The following PNPLA2 variants were observed in gnomAD, a reference collection of about 807,000 sequenced individuals.
PNPLA2 encodes the protein patatin like domain 2, triacylglycerol lipase.
In PNPLA2, 28 loss-of-function variants were observed where a neutral mutation model predicts 39.7. The observed-to-expected ratio is 0.70, with a 90% confidence interval of 0.52 to 0.97. PNPLA2 has a LOEUF of 0.97. Among genes scored for constraint, PNPLA2 ranks in the 50% least tolerant of loss-of-function variants. The pLI, the probability that PNPLA2 is intolerant of heterozygous loss-of-function variation, is 0.00. For synonymous variants in PNPLA2, 392 were observed against 321.1 expected, an observed-to-expected ratio of 1.22 and a Z score of -2.36; for missense variants, 768 against 698.2, an observed-to-expected ratio of 1.10 and a Z score of -1.13.
At position 822,324 on chromosome 11, in the gene PNPLA2, G is replaced by A. The variant is rs1489097281; in HGVS notation, c.487-73G>A. On this transcript the variant is annotated intron_variant, in intron 4 of 9. Coordinates refer to ENST00000336615, the MANE Select transcript of PNPLA2 (RefSeq NM_020376.4). Reference sequence around the variant, plus strand: ...TGAATGGGGCCCTTGGTGGCCGGGTGGGGTGGCTGGGGTGGGTGGCCAGTG... The same window carrying A: ...TGAATGGGGCCCTTGGTGGCCGGGTAGGGTGGCTGGGGTGGGTGGCCAGTG... The A allele has an allele frequency of 2.2e-6, 3 of 1,339,838 alleles. No individual in the cohort carries two copies. The East Asian group carries it at 6.9e-5, about 31-fold the overall frequency. 83.0% of individuals were successfully genotyped at this position (1,339,838 alleles called of 1,614,324 possible).
rs564593245 is a variant in PNPLA2, at chr11:821,401, G to C, written c.188-227G>C. ...GGCCCAGTGACTCATAGGGCAGGCA[G>C]TTGGGAAATACCAGGCAGAGGGCAG... On this transcript the variant is annotated intron_variant, in intron 2 of 9. Coordinates refer to ENST00000336615, the MANE Select transcript of PNPLA2 (RefSeq NM_020376.4). The C allele has an allele frequency of 4.5e-4, 269 of 600,360 alleles. 3 individuals are homozygous for C. The South Asian group carries it at 5.2e-3, about 12-fold the overall frequency. 37.2% of individuals were successfully genotyped at this position (600,360 alleles called of 1,614,324 possible).
chr11:824,088 C>T lies in PNPLA2; in HGVS notation c.1010C>T (p.Pro337Leu), dbSNP rs370723127. 20 of 1,606,044 alleles carry T rather than the reference C, an allele frequency of 1.2e-5. No homozygotes were observed. In the Admixed American group the frequency reaches 2.7e-4, roughly 22 times the overall value. Reference sequence around the variant, plus strand: ...CGTCTGGCCACGGCCATGATGGTGCCCTACACGCTGCCGCTGGAGAGCGCT... The same window carrying T: ...CGTCTGGCCACGGCCATGATGGTGCTCTACACGCTGCCGCTGGAGAGCGCT... ...PVRLATAMMV[P>L]YTLPLESALS... is the part of the protein sequence containing the mutation. Residue 337 changes from proline to leucine, a missense_variant, in exon 8 of 10, where the codon CCC becomes CTC. Physicochemically the swap from Pro to Leu is moderately conservative, Grantham distance 98. Coordinates refer to ENST00000336615, the MANE Select transcript of PNPLA2 (RefSeq NM_020376.4).
chr11:821,558 G>A, intron 2 of PNPLA2, 70 bp from the exon 3 acceptor site: 1 of 1,072,238 alleles, frequency 9.3e-7, no homozygotes, highest in Non-Finnish European at 1.4e-6. Flanking sequence ...CCTGGACATG[G>A]GGCTATGAAG....
In PNPLA2 at chr11:822,572, G is replaced by A. The variant is rs554737718; in HGVS notation, c.662G>A (p.Arg221His). 9.3e-6 allele frequency: 15 copies of A among 1,613,876 alleles called. No homozygotes were observed. The African/African-American group carries it at 9.3e-5, about 10-fold the overall frequency. Residue 221 changes from arginine to histidine, a missense_variant, in exon 5 of 10, where the codon CGC (arginine) becomes CAC (histidine). Coordinates refer to ENST00000336615, the MANE Select transcript of PNPLA2 (RefSeq NM_020376.4). Reference sequence around the variant, plus strand: ...CAGTTCAACCTGCGCAACCTCTACCGCCTCTCCAAGGCCCTCTTCCCGCCG... The same window carrying A: ...CAGTTCAACCTGCGCAACCTCTACCACCTCTCCAAGGCCCTCTTCCCGCCG... ...SIQFNLRNLY[R>H]LSKALFPPEP... is the part of the protein sequence containing the mutation.
Position 825,138 on chromosome 11 carries a change from G to A in PNPLA2, c.*276G>A, listed in dbSNP as rs1279303356. The A allele has an allele frequency of 5.5e-6, 3 of 548,960 alleles. No homozygotes were observed. Among genetic ancestry groups the A allele is most frequent in the African/African-American group, 2.1e-5 (1 of 48,186 alleles). 34.0% of individuals were successfully genotyped at this position (548,960 alleles called of 1,614,324 possible). A position where few individuals can be genotyped will look rare whatever the true frequency, so the allele number is the denominator to read the frequency against. Reference sequence around the variant, plus strand: ...ACTTTGCAGCTGCCCTTCCCTCCCCGTTTTTCATGGCCTGCTGAAATATGT... The same window carrying A: ...ACTTTGCAGCTGCCCTTCCCTCCCCATTTTTCATGGCCTGCTGAAATATGT... On this transcript the variant is annotated 3_prime_UTR_variant, in exon 10 of 10. Coordinates refer to ENST00000336615, the MANE Select transcript of PNPLA2 (RefSeq NM_020376.4).
At chr11:823,154 T>G (rs1035295753) in intron 5 of PNPLA2, among the ~76,000 whole-genome samples, 2 of 151,930 alleles carry the variant, frequency 1.3e-5, no homozygotes, top group African/African-American at 4.8e-5. Context: ...ACCTCCCGGG[T>G]TCCTGCCATT....
In PNPLA2 at chr11:824,144, G is replaced by C; in HGVS notation, c.1052+14G>C. 6.3e-7 allele frequency: 1 copy of C among 1,587,130 alleles called. No homozygotes were observed. Among genetic ancestry groups the C allele is most frequent in the Non-Finnish European group, 8.6e-7 (1 of 1,167,948 alleles). Reference sequence around the variant, plus strand: ...CTTCACCATCCGGTGTGAGGGCTGGGGGGTCGGGAGAGGGGCCCAGGGGAC... The same window carrying C: ...CTTCACCATCCGGTGTGAGGGCTGGCGGGTCGGGAGAGGGGCCCAGGGGAC... On this transcript the variant is annotated intron_variant, in intron 8 of 9. Transcript: ENST00000336615.
intron 2 of PNPLA2, among the ~76,000 whole-genome samples, chr11:820,555 G>A (rs1845635204): frequency 1.3e-5 from 2 of 152,228 alleles, no homozygotes; most frequent in Non-Finnish European, 2.9e-5. Context: ...ATGGGTCTCT[G>A]TGTGCTGGGC....
Position 824,726 on chromosome 11 carries a change from G to C in PNPLA2, c.1379G>C (p.Arg460Pro), listed in dbSNP as rs781603696. The change falls in exon 10 of 10, where the codon CGC becomes CCC. Residue 460 changes from arginine (R) to proline (P), a missense_variant. Physicochemically the swap from Arg to Pro is moderately radical, Grantham distance 103. Transcript: ENST00000336615. Reference sequence around the variant, plus strand: ...GTGGCCTTCCCGCCCGAAGCTCTGCGCATGCGCGCACCCGCCGACCCGGCT... The same window carrying C: ...GTGGCCTTCCCGCCCGAAGCTCTGCCCATGCGCGCACCCGCCGACCCGGCT... ...TNVAFPPEAL[R>P]MRAPADPAPA... 6.3e-7 allele frequency: 1 copy of C among 1,577,390 alleles called. No homozygotes were observed. Among genetic ancestry groups the C allele is most frequent in the East Asian group, 2.3e-5 (1 of 43,280 alleles).
At chr11:822,103 T>C (rs1264774694) in intron 4 of PNPLA2, 80 bp downstream of exon 4, 1 of 1,294,064 alleles carries the variant, frequency 7.7e-7, no homozygotes, top group African/African-American at 1.5e-5. Context: ...CCTAGAGCCA[T>C]CCTTCAGGCC....
In PNPLA2 at chr11:823,541, G is replaced by T; in HGVS notation, c.711G>T (p.Met237Ile). Residue 237 changes from methionine to isoleucine, a missense_variant, in exon 6 of 10, where the codon ATG (methionine) becomes ATT (isoleucine). Coordinates refer to ENST00000336615, the MANE Select transcript of PNPLA2 (RefSeq NM_020376.4). ...CCTCACTGCAGGTGCTGCGAGAGAT[G>T]TGCAAGCAGGGATACCGGGATGGCC... ...FPPEPLVLRE[M>I]CKQGYRDGLR... 1 of 1,610,674 alleles carries T rather than the reference G, an allele frequency of 6.2e-7. No individual in the cohort carries two copies. The highest frequency in any genetic ancestry group is 2.2e-5 in the East Asian group (1 of 44,770).
In PNPLA2 at chr11:825,492, C is replaced by T. The variant is rs1433887453; in HGVS notation, c.*630C>T. 6.5e-6 allele frequency: 1 copy of T among 153,104 alleles called. No individual in the cohort carries two copies. The highest frequency in any genetic ancestry group is 1.5e-5 in the Non-Finnish European group (1 of 68,780). 9.5% of individuals were successfully genotyped at this position (153,104 alleles called of 1,614,324 possible). ...TTTGCCCAGCAGCCTCCTGGCTGAC[C>T]CTTGGCCACAGCCTTCTGAGGGCCA... On this transcript the variant is annotated 3_prime_UTR_variant, in exon 10 of 10. Coordinates refer to ENST00000336615, the MANE Select transcript of PNPLA2 (RefSeq NM_020376.4).
Position 825,220 on chromosome 11 carries a change from C to T in PNPLA2, c.*358C>T, listed in dbSNP as rs762904060. 8.0e-6 allele frequency: 3 copies of T among 375,778 alleles called. No individual in the cohort carries two copies. The highest frequency in any genetic ancestry group is 1.5e-5 in the Non-Finnish European group (3 of 202,018). The allele number at this position is 375,778 out of a possible 1,614,324, so 23.3% of individuals were successfully genotyped here. On this transcript the variant is annotated 3_prime_UTR_variant, in exon 10 of 10. Transcript: ENST00000336615. ...CATGTAATAAATGCTGCAGCCCAGCCTCTGCCCACTTTGTGTGTATGTGAC... is the reference window on the plus strand; with the variant it reads ...CATGTAATAAATGCTGCAGCCCAGCTTCTGCCCACTTTGTGTGTATGTGAC...
chr11:824,567 C>T lies in PNPLA2; in HGVS notation c.1220C>T (p.Ser407Phe), dbSNP rs202081894. The T allele has an allele frequency of 2.0e-3, 3,174 of 1,571,070 alleles. 7 individuals are homozygous for T. Among genetic ancestry groups the T allele is most frequent in the Non-Finnish European group, 2.6e-3 (2,980 of 1,162,994 alleles). The change falls in exon 10 of 10, where the codon TCC (serine) becomes TTC (phenylalanine). Residue 407 changes from serine to phenylalanine, a missense_variant. By Grantham distance (155) the Ser-to-Phe change is radical. Transcript: ENST00000336615. ...CTGCGCCGCGTCCAGTCGCTGCCGT[C>T]CGTGCCGCTGTCCTGCGCCGCCTAC... ...VELRRVQSLPSVPLSCAAYRE... is the reference protein window; with the variant it reads ...VELRRVQSLPFVPLSCAAYRE...
intron 2 of PNPLA2, 76 bp downstream of exon 2, chr11:819,981 G>A: frequency 2.6e-6 from 3 of 1,164,228 alleles, no homozygotes; most frequent in South Asian, 4.7e-5. Context: ...CTCCGTGAGC[G>A]GAGGGGCCCC....
rs1223331348 is a variant in PNPLA2, at chr11:823,684, C to G, written c.758-10C>G. On this transcript the variant is annotated splice_polypyrimidine_tract_variant and intron_variant, in intron 6 of 9. Coordinates refer to ENST00000336615, the MANE Select transcript of PNPLA2 (RefSeq NM_020376.4). The stretch of plus-strand genomic sequence containing the variant: ...GATGAACTGAGAATCCCTTCTCTCC[C>G]CAACCCCAGGCCTCCTGAACCGGCC... 2 of 1,605,348 alleles carry G rather than the reference C, an allele frequency of 1.2e-6. No homozygotes were observed. The highest frequency in any genetic ancestry group is 1.7e-6 in the Non-Finnish European group (2 of 1,176,598).
intron 2 of PNPLA2, 108 bp downstream of exon 2, chr11:820,013 TG>T: frequency 3.6e-6 from 3 of 841,528 alleles, no homozygotes; most frequent in Non-Finnish European, 4.9e-6. Flanking sequence ...GTGGGTACCG[TG>T]GGGAGGGTTC....
At chr11:819,141 G>A (rs1845582376) in intron 1 of PNPLA2, among the ~76,000 whole-genome samples, 183 bp downstream of exon 1, 1 of 152,234 alleles carries the variant, frequency 6.6e-6, no homozygotes, top group African/African-American at 2.4e-5. Flanking sequence ...GGCTCCCGAG[G>A]CCTGTGCGGC....
chr11:822,432 A>G lies in PNPLA2; in HGVS notation c.522A>G (p.Pro174=), dbSNP rs753950058. 3 of 1,613,760 alleles carry G rather than the reference A, an allele frequency of 1.9e-6. No individual in the cohort carries two copies. The African/African-American group carries it at 4.0e-5, about 22-fold the overall frequency. ...YVDGGISDNL[P]LYELKNTITV... Reference sequence around the variant, plus strand: ...ATGGTGGCATTTCAGACAACCTGCCACTCTATGAGCTTAAGAACACCATCA... The same window carrying G: ...ATGGTGGCATTTCAGACAACCTGCCGCTCTATGAGCTTAAGAACACCATCA... The change falls in exon 5 of 10, where the codon CCA becomes CCG. Residue 174 remains proline (P), a synonymous_variant. Transcript: ENST00000336615.
Sources: gnomAD v4.1 joint callset for allele counts (sites outside exome capture counted in the v4.1 genomes callset) on GRCh38, gnomAD v4.1.1 for gene constraint, MANE v1.5 for transcripts, NCBI Gene and HGNC (gene_info 2026-07-23, HGNC 2026-07-21) for gene names.